Variants in CPE observed in about 807,000 individuals in gnomAD.
CPE encodes the protein carboxypeptidase E, also known as carbocypeptidase E.
Under a neutral mutation model 53.5 loss-of-function variants are expected in CPE, and 17 were observed. That is an observed-to-expected ratio of 0.32 (90% CI 0.22 to 0.48). The LOEUF (loss-of-function observed/expected upper bound fraction) is 0.48. Among genes scored for constraint, CPE ranks in the 20% least tolerant of loss-of-function variants. The pLI, the probability that CPE is intolerant of heterozygous loss-of-function variation, is 0.99. For synonymous variants in CPE, 226 were observed against 228.8 expected (o/e 0.99, Z 0.11); for missense variants, 524 against 614.7 (o/e 0.85, Z 1.56).
chr4:165,471,916 G>A (rs939208189), intron 3 of CPE, among the ~76,000 whole-genome samples: 1 of 152,134 alleles, frequency 6.6e-6, no homozygotes, highest in Non-Finnish European at 1.5e-5. Context: ...GTGCCTTGTT[G>A]CAAAAGAAAA....
chr4:165,436,227 A>T (rs1347034357), intron 1 of CPE, among the ~76,000 whole-genome samples: 1 of 150,592 alleles, frequency 6.6e-6, no homozygotes, highest in Admixed American at 6.6e-5. Flanking sequence ...TGTGCACAGA[A>T]TCCAAGTTCT....
chr4:165,489,306 C>T (rs141989054), intron 6 of CPE, among the ~76,000 whole-genome samples: 1 of 152,088 alleles, frequency 6.6e-6, no homozygotes, highest in African/African-American at 2.4e-5. Flanking sequence ...TAATATTTGT[C>T]TTAATACTCC....
chr4:165,444,679 G>T (rs1003068172), intron 1 of CPE, among the ~76,000 whole-genome samples: 4 of 152,184 alleles, frequency 2.6e-5, no homozygotes, highest in African/African-American at 9.6e-5. Flanking sequence ...TACCAGCTCA[G>T]CCATATTCTT....
intron 1 of CPE, among the ~76,000 whole-genome samples, chr4:165,438,358 A>G (rs1440530359): frequency 6.6e-6 from 1 of 152,144 alleles, no homozygotes; most frequent in Non-Finnish European, 1.5e-5. Flanking sequence ...TAGGAAGGCC[A>G]TTTTGGTCTA....
chr4:165,470,840 C>G (rs1732193036), intron 3 of CPE, among the ~76,000 whole-genome samples: 2 of 152,116 alleles, frequency 1.3e-5, no homozygotes, highest in Non-Finnish European at 2.9e-5. Context: ...TGGGTCTTCA[C>G]CTCTTGCTAG....
At chr4:165,482,558 T>G (rs1034443199) in intron 4 of CPE, among the ~76,000 whole-genome samples, 199 bp downstream of exon 4, 9 of 152,226 alleles carry the variant, frequency 5.9e-5, no homozygotes, top group African/African-American at 2.2e-4. Context: ...AAGGACTCAC[T>G]TTTTCAATAG....
In CPE at chr4:165,495,552, C is replaced by T. The variant is rs1294683346; in HGVS notation, c.1214-7C>T. 1 of 1,580,816 alleles carries T rather than the reference C, an allele frequency of 6.3e-7. No individual in the cohort carries two copies. On this transcript the variant is annotated splice_polypyrimidine_tract_variant and splice_region_variant and intron_variant, in intron 7 of 8. Coordinates refer to ENST00000402744, the MANE Select transcript of CPE (RefSeq NM_001873.4). ...GCTTTGTGATTTGATATTCTGCCTT[C>T]CTACAGCAAAGGATGGTGATTACTG...
intron 1 of CPE, among the ~76,000 whole-genome samples, chr4:165,462,120 A>G (rs1228663655): frequency 6.6e-6 from 1 of 152,218 alleles, no homozygotes; most frequent in Admixed American, 6.5e-5. Flanking sequence ...AAGAGAAACC[A>G]TGTCATACAT....
At chr4:165,490,524 T>C (rs1353729923) in intron 6 of CPE, among the ~76,000 whole-genome samples, 1 of 149,260 alleles carries the variant, frequency 6.7e-6, no homozygotes, top group African/African-American at 2.5e-5. Flanking sequence ...TCCCAGCTAC[T>C]CCGGAGGCTG....
chr4:165,464,716 A>C (rs1001664978), intron 2 of CPE, 130 bp downstream of exon 2: 1 of 667,036 alleles, frequency 1.5e-6, no homozygotes, highest in African/African-American at 1.9e-5. Flanking sequence ...TAAGTGATGC[A>C]TTCATTATTC....
At chr4:165,408,277 A>G (rs1197252087) in intron 1 of CPE, among the ~76,000 whole-genome samples, 1 of 152,156 alleles carries the variant, frequency 6.6e-6, no homozygotes, top group East Asian at 1.9e-4. Flanking sequence ...TTCTTCTAAG[A>G]GTGTTATAGC....
At chr4:165,474,606 T>A (rs1176476505) in intron 3 of CPE, among the ~76,000 whole-genome samples, 1 of 152,208 alleles carries the variant, frequency 6.6e-6, no homozygotes, top group Non-Finnish European at 1.5e-5. Context: ...AATTACCCAC[T>A]TGAGAACAGA....
At chr4:165,451,999 G>T (rs561805653) in intron 1 of CPE, among the ~76,000 whole-genome samples, 7 of 151,628 alleles carry the variant, frequency 4.6e-5, no homozygotes, top group Admixed American at 2.6e-4. Context: ...TTGCAGTAAG[G>T]AAGGGCATAT....
intron 1 of CPE, among the ~76,000 whole-genome samples, chr4:165,413,608 A>G (rs1035891049): frequency 7.2e-5 from 11 of 152,194 alleles, no homozygotes; most frequent in African/African-American, 2.7e-4. Context: ...TACTTTCTCA[A>G]ATAAAAAGCA....
rs1276835759 is a variant in CPE at position 165,497,953 on chromosome 4, G to A, written c.*343G>A. The A allele has an allele frequency of 6.4e-6, 1 of 155,770 alleles. No homozygotes were observed. The highest frequency in any genetic ancestry group is 1.4e-5 in the Non-Finnish European group (1 of 70,568). The allele number at this position is 155,770 out of a possible 1,614,324, so 9.6% of individuals were successfully genotyped here. A position where few individuals can be genotyped will look rare whatever the true frequency, so the allele number is the denominator to read the frequency against. ...ATTCTAGCTTTCAAAAATTAGTGAAGTTCTTTTACTGTAATTGGTGACAAT... is the reference window on the plus strand; with the variant it reads ...ATTCTAGCTTTCAAAAATTAGTGAAATTCTTTTACTGTAATTGGTGACAAT... On this transcript the variant is annotated 3_prime_UTR_variant, in exon 9 of 9. Transcript: ENST00000402744.
At chr4:165,477,895 T>G (rs11734444) in intron 3 of CPE, among the ~76,000 whole-genome samples, 7,215 of 152,250 alleles carry the variant, frequency 0.047, 264 homozygotes, top group East Asian at 0.15. Context: ...CTCCTTGTTC[T>G]TCTGAACTTC....
intron 8 of CPE, among the ~76,000 whole-genome samples, chr4:165,497,261 T>G (rs17587295): frequency 0.073 from 11,086 of 152,222 alleles, 664 homozygotes; most frequent in Admixed American, 0.19. Context: ...GGGCAAGAAT[T>G]TTGTTGAATT....
intron 1 of CPE, among the ~76,000 whole-genome samples, chr4:165,424,661 G>A (rs1309604150): frequency 6.6e-6 from 1 of 151,688 alleles, no homozygotes; most frequent in Non-Finnish European, 1.5e-5. Context: ...AGCCTCCCGA[G>A]TACCTGGGAT....
chr4:165,431,748 T>C (rs6835701), intron 1 of CPE, among the ~76,000 whole-genome samples: 80,882 of 151,952 alleles, frequency 0.53, 21,912 homozygotes, highest in East Asian at 0.75. Flanking sequence ...ATTTGATTTT[T>C]GTTGAAGTAT....
Sources: gnomAD v4.1 joint callset for allele counts (sites outside exome capture counted in the v4.1 genomes callset) on GRCh38, gnomAD v4.1.1 for gene constraint, MANE v1.5 for transcripts, NCBI Gene and HGNC (gene_info 2026-07-23, HGNC 2026-07-21) for gene names.